The following PCDHA7 variants were observed in gnomAD, a reference collection of about 807,000 sequenced individuals.
PCDHA7 encodes the protein protocadherin alpha 7.
PCDHA7 carries 37 observed loss-of-function variants against 57.2 expected under a neutral mutation model. The ratio of observed to expected loss-of-function variants is 0.65; its 90% confidence interval spans 0.50 to 0.85. The LOEUF (loss-of-function observed/expected upper bound fraction) is 0.85, where lower values mean the gene tolerates loss of function less well. PCDHA7 is among the 40% of genes least tolerant of loss of function. The pLI is 0.00. For synonymous variants in PCDHA7, 553 were observed against 558.8 expected, an observed-to-expected ratio of 0.99 and a Z score of 0.15; for missense variants, 1,188 against 1,241.8, an observed-to-expected ratio of 0.96 and a Z score of 0.65.
chr5:140,863,055 G>T (rs570398935), intron 1 of PCDHA7: 9 of 563,522 alleles, frequency 1.6e-5, no homozygotes, highest in African/African-American at 1.3e-4. Context: ...GGCAGCACCC[G>T]TTCCACGTGG....
intron 1 of PCDHA7, among the ~76,000 whole-genome samples, chr5:140,954,349 G>A (rs554018151): frequency 2.0e-4 from 31 of 152,312 alleles, no homozygotes; most frequent in Admixed American, 1.8e-3. Flanking sequence ...AGATCTTTGA[G>A]GAATCGCCAC....
At chr5:140,848,355 C>A in intron 1 of PCDHA7, 1 of 1,031,242 alleles carries the variant, frequency 9.7e-7, no homozygotes, top group Non-Finnish European at 1.4e-6. Context: ...GCCCTTTTCC[C>A]ATGGGAAAGA....
intron 1 of PCDHA7, among the ~76,000 whole-genome samples, chr5:140,970,589 C>T (rs74994687): frequency 6.6e-6 from 1 of 152,198 alleles, no homozygotes; most frequent in East Asian, 1.9e-4. Flanking sequence ...CAGAGATATG[C>T]TTTGTGATAC....
intron 1 of PCDHA7, chr5:140,969,096 A>T: frequency 6.2e-7 from 1 of 1,614,162 alleles, no homozygotes; most frequent in Non-Finnish European, 8.5e-7. Flanking sequence ...GTGCAGCCTC[A>T]CTTCATTGAA....
At chr5:141,000,361 GTCTC>G (rs148596731) in intron 3 of PCDHA7, among the ~76,000 whole-genome samples, 1,917 of 26,274 alleles carry the variant, frequency 0.073, 118 homozygotes, top group African/African-American at 0.11. Flanking sequence ...GTCTCTCTCT[GTCTC>G]TCTCTCTCTC....
chr5:140,880,419 G>A (rs1554171271), intron 1 of PCDHA7, among the ~76,000 whole-genome samples: 2 of 152,106 alleles, frequency 1.3e-5, no homozygotes, highest in Non-Finnish European at 2.9e-5. Context: ...TTAAAAGCGG[G>A]AACAGTTTTT....
chr5:140,856,328 C>A, intron 1 of PCDHA7: 1 of 1,598,592 alleles, frequency 6.3e-7, no homozygotes. Context: ...CCGCGAGGAG[C>A]TGTGCGGGCG....
At chr5:140,841,478 G>T (rs2150316253) in intron 1 of PCDHA7, 16 of 1,612,980 alleles carry the variant, frequency 9.9e-6, no homozygotes, top group Non-Finnish European at 1.2e-5. Context: ...GCAGGACCTG[G>T]GGCTGGAGCT....
rs1359152136 is a variant in PCDHA7, at chr5:140,969,072, C to T, written c.2356-9877C>T. 2.1e-5 allele frequency: 34 copies of T among 1,613,982 alleles called. No individual in the cohort carries two copies. The highest frequency in any genetic ancestry group is 5.0e-5 in the Admixed American group (3 of 59,998). On this transcript the variant is annotated intron_variant, in intron 1 of 3. Transcript: ENST00000525929. ...AACAACAATATTGATGCCAGGATACCGCATGGCCTCAAAGTGCAGCCTCAC... is the reference window on the plus strand; with the variant it reads ...AACAACAATATTGATGCCAGGATACTGCATGGCCTCAAAGTGCAGCCTCAC...
intron 1 of PCDHA7, among the ~76,000 whole-genome samples, chr5:140,948,785 G>T (rs2094304738): frequency 6.6e-6 from 1 of 151,242 alleles, no homozygotes; most frequent in South Asian, 2.1e-4. Flanking sequence ...TTTTGGCTTT[G>T]TTGATATATT....
chr5:140,886,012 T>C (rs1363937487), intron 1 of PCDHA7, among the ~76,000 whole-genome samples: 1 of 152,190 alleles, frequency 6.6e-6, no homozygotes, highest in Non-Finnish European at 1.5e-5. Context: ...TAAAGGGAGA[T>C]GCTATGTATT....
intron 1 of PCDHA7, among the ~76,000 whole-genome samples, chr5:140,925,600 A>G (rs1489455075): frequency 6.6e-6 from 1 of 151,508 alleles, no homozygotes; most frequent in African/African-American, 2.4e-5. Context: ...TACATATGTA[A>G]CAAACCTGCA....
intron 1 of PCDHA7, among the ~76,000 whole-genome samples, chr5:140,886,563 C>CA (rs1344648100): frequency 6.6e-6 from 1 of 152,024 alleles, no homozygotes. Context: ...CACGGTGGCT[C>CA]ACGCCTGTAA....
chr5:140,837,528 A>G (rs1205185632), intron 1 of PCDHA7, among the ~76,000 whole-genome samples: 2 of 151,654 alleles, frequency 1.3e-5, no homozygotes, highest in African/African-American at 2.4e-5. Flanking sequence ...TTTTTTGTAT[A>G]TTCCCAAGAT....
Position 140,842,949 on chromosome 5 carries a change from C to T in PCDHA7, c.2355+6211C>T. On this transcript the variant is annotated intron_variant, in intron 1 of 3. Coordinates refer to ENST00000525929, the MANE Select transcript of PCDHA7 (RefSeq NM_018910.3). Reference sequence around the variant, plus strand: ...GTGAGCGCGCGCGACGCGGGCGTGCCGCCTCTGGGCAGCAACGTGACGCTG... The same window carrying T: ...GTGAGCGCGCGCGACGCGGGCGTGCTGCCTCTGGGCAGCAACGTGACGCTG... The T allele has an allele frequency of 3.1e-6, 5 of 1,594,666 alleles. 1 individual carries two copies. The highest frequency in any genetic ancestry group is 4.3e-6 in the Non-Finnish European group (5 of 1,165,460).
At chr5:140,848,565 T>C (rs2150412911) in intron 1 of PCDHA7, 2 of 1,595,404 alleles carry the variant, frequency 1.3e-6, no homozygotes, top group African/African-American at 1.3e-5. Flanking sequence ...CCTCGCAATG[T>C]GGGTGGTGGG....
intron 1 of PCDHA7, among the ~76,000 whole-genome samples, chr5:140,942,913 G>GA (rs58669311): frequency 1.5e-4 from 23 of 148,948 alleles, no homozygotes; most frequent in Middle Eastern, 3.5e-3. Flanking sequence ...TAAGCGTGAA[G>GA]AAAAAAAAAA....
chr5:140,889,441 C>G (rs2062226063), intron 1 of PCDHA7, among the ~76,000 whole-genome samples: 2 of 151,842 alleles, frequency 1.3e-5, no homozygotes, highest in African/African-American at 2.4e-5. Flanking sequence ...CAGGTATTTT[C>G]CTGTTTAATC....
At chr5:140,938,885 A>C (rs966791166) in intron 1 of PCDHA7, among the ~76,000 whole-genome samples, 9 of 152,144 alleles carry the variant, frequency 5.9e-5, no homozygotes, top group Non-Finnish European at 1.2e-4. Flanking sequence ...CAACACACAC[A>C]CACACAGATG....
Sources: gnomAD v4.1 joint callset for allele counts (sites outside exome capture counted in the v4.1 genomes callset) on GRCh38, gnomAD v4.1.1 for gene constraint, MANE v1.5 for transcripts, NCBI Gene and HGNC (gene_info 2026-07-23, HGNC 2026-07-21) for gene names.